Variants in CFAP47 observed in about 807,000 individuals in gnomAD.
CFAP47 encodes the protein cilia- and flagella-associated protein 47.
CFAP47 carries 29 observed loss-of-function variants against 148.1 expected under a neutral mutation model. The observed-to-expected ratio is 0.20, with a 90% CI of 0.15 to 0.27. The LOEUF (loss-of-function observed/expected upper bound fraction) is 0.27. Among genes scored for constraint, CFAP47 ranks in the 10% least tolerant of loss-of-function variants. The probability of loss-of-function intolerance (pLI) is 1.00; values close to 1 mark genes in which losing one functional copy is unlikely to be tolerated. For synonymous variants in CFAP47, 664 were observed against 577.3 expected (o/e 1.15, Z -2.15); for missense variants, 1,872 against 1,697.5 (o/e 1.10, Z -1.81).
intron 49 of CFAP47, among the ~76,000 whole-genome samples, chrX:36,271,644 A>T (rs782417300): frequency 6.2e-5 from 7 of 112,204 alleles, no homozygotes; most frequent in Non-Finnish European, 9.4e-5. Flanking sequence ...TTGCACCAAA[A>T]TAAACTCATG....
intron 2 of CFAP47, among the ~76,000 whole-genome samples, chrX:35,932,962 T>G (rs1194754941): frequency 9.0e-6 from 1 of 111,332 alleles, no homozygotes. Flanking sequence ...GTGTATATAT[T>G]TAAGGTTCAC....
At chrX:36,280,465 A>T (rs5973634) in intron 49 of CFAP47, 22 bp from the exon 50 acceptor site, 34,098 of 482,606 alleles carry the variant, frequency 0.071, 1,666 homozygotes, top group African/African-American at 0.26. Context: ...TTAATAGGGC[A>T]TCTTGTACTT....
intron 3 of CFAP47, among the ~76,000 whole-genome samples, chrX:35,942,945 C>T (rs1190321945): frequency 9.0e-6 from 1 of 111,626 alleles, no homozygotes; most frequent in African/African-American, 3.2e-5. Flanking sequence ...TACTTGAGTA[C>T]TGTGAAATGT....
At chrX:36,067,194 A>T (rs899950382) in intron 27 of CFAP47, among the ~76,000 whole-genome samples, 2 of 110,937 alleles carry the variant, frequency 1.8e-5, no homozygotes, top group Admixed American at 1.9e-4. Context: ...TCCTTCCATG[A>T]CTTCAGCTAC....
At chrX:36,090,869 G>T (rs1366090896) in intron 30 of CFAP47, among the ~76,000 whole-genome samples, 1 of 111,453 alleles carries the variant, frequency 9.0e-6, no homozygotes, top group African/African-American at 3.3e-5. Flanking sequence ...GATTTTTTAA[G>T]AAACAAATTT....
intron 57 of CFAP47, among the ~76,000 whole-genome samples, chrX:36,337,960 CT>C (rs1184866915): frequency 1.2e-4 from 12 of 101,394 alleles, no homozygotes; most frequent in Admixed American, 3.2e-4. Context: ...GCTCCGCCTC[CT>C]GGGGTTCACG....
intron 22 of CFAP47, among the ~76,000 whole-genome samples, chrX:36,027,360 C>T (rs918087943): frequency 1.3e-4 from 14 of 109,142 alleles, no homozygotes; most frequent in African/African-American, 4.7e-4. Context: ...CTTTTGTAAT[C>T]TCCAATGTCT....
intron 45 of CFAP47, chrX:36,211,157 C>T (rs1940095655): frequency 3.8e-6 from 1 of 261,018 alleles, no homozygotes; most frequent in Non-Finnish European, 7.1e-6. Flanking sequence ...AAAATGTCAT[C>T]ATATGCATTT....
chrX:35,981,270 TA>T (rs1936640724), intron 15 of CFAP47, among the ~76,000 whole-genome samples: 1 of 106,941 alleles, frequency 9.4e-6, no homozygotes, highest in Non-Finnish European at 1.9e-5. Context: ...AAACAAAATA[TA>T]AAAGAGCAGA....
chrX:36,270,599 G>T (rs1171987060), intron 49 of CFAP47, among the ~76,000 whole-genome samples: 1 of 101,074 alleles, frequency 9.9e-6, no homozygotes, highest in South Asian at 4.3e-4. Flanking sequence ...TAAAGGATTT[G>T]TGTCTAGTAT....
intron 50 of CFAP47, among the ~76,000 whole-genome samples, chrX:36,281,083 T>C (rs1266493726): frequency 2.7e-5 from 3 of 111,909 alleles, no homozygotes; most frequent in Non-Finnish European, 5.6e-5. Flanking sequence ...ACATCATGTC[T>C]TTTTAGTACA....
intron 33 of CFAP47, among the ~76,000 whole-genome samples, chrX:36,127,537 A>G (rs1447195214): frequency 2.7e-5 from 3 of 111,561 alleles, no homozygotes; most frequent in African/African-American, 9.8e-5. Context: ...TGATGCCTCT[A>G]GCTTTGTTCT....
chrX:36,050,588 G>C (rs775693471), intron 26 of CFAP47, among the ~76,000 whole-genome samples: 1 of 111,630 alleles, frequency 9.0e-6, no homozygotes, highest in Non-Finnish European at 1.9e-5. Context: ...AAGTGGCAAA[G>C]TGTTCAAGAG....
chrX:36,350,692 AT>A (rs1267390583), intron 59 of CFAP47, among the ~76,000 whole-genome samples: 4,749 of 85,908 alleles, frequency 0.055, 247 homozygotes, highest in African/African-American at 0.17. Flanking sequence ...TTATTTATTT[AT>A]TTTTTTTTTT....
At chrX:36,379,872 A>C (rs1942062160) in intron 63 of CFAP47, 1 of 122,962 alleles carries the variant, frequency 8.1e-6, no homozygotes, top group Non-Finnish European at 1.7e-5. Flanking sequence ...ACTTTAAGTT[A>C]TTTGAGATAG....
intron 49 of CFAP47, among the ~76,000 whole-genome samples, chrX:36,277,531 A>T (rs1325002922): frequency 8.9e-6 from 1 of 112,351 alleles, no homozygotes; most frequent in Non-Finnish European, 1.9e-5. Flanking sequence ...ATTTAAAAAA[A>T]TATTGATTTT....
At chrX:36,074,649 C>T (rs760988884) in intron 29 of CFAP47, among the ~76,000 whole-genome samples, 7 of 111,060 alleles carry the variant, frequency 6.3e-5, no homozygotes, top group African/African-American at 2.0e-4. Flanking sequence ...TTATACGGTA[C>T]ACAGCGTTAA....
At chrX:36,027,142 T>TTA (rs763903284) in intron 22 of CFAP47, among the ~76,000 whole-genome samples, 2 of 103,643 alleles carry the variant, frequency 1.9e-5, no homozygotes, top group African/African-American at 7.0e-5. Context: ...ATATATATGA[T>TTA]TATATATATG....
intron 39 of CFAP47, among the ~76,000 whole-genome samples, chrX:36,169,407 T>C (rs1313877830): frequency 1.8e-5 from 2 of 110,500 alleles, no homozygotes; most frequent in Non-Finnish European, 1.9e-5. Flanking sequence ...TCATTAGACT[T>C]ATGTTGGTGT....
Sources: gnomAD v4.1 joint callset for allele counts (sites outside exome capture counted in the v4.1 genomes callset) on GRCh38, gnomAD v4.1.1 for gene constraint, MANE v1.5 for transcripts, NCBI Gene and HGNC (gene_info 2026-07-23, HGNC 2026-07-21) for gene names.